Variants in CCNF observed in about 807,000 individuals in gnomAD.
CCNF encodes cyclin F.
Under a neutral mutation model 85.4 loss-of-function variants are expected in CCNF, and 30 were observed. That is an observed-to-expected ratio of 0.35 (90% CI 0.26 to 0.48). The LOEUF (loss-of-function observed/expected upper bound fraction) is 0.48, where lower values mean the gene tolerates loss of function less well. Among genes scored for constraint, CCNF ranks in the 20% least tolerant of loss-of-function variants. The probability of loss-of-function intolerance (pLI) is 0.99; values close to 1 mark genes in which losing one functional copy is unlikely to be tolerated. For synonymous variants in CCNF, 439 were observed against 425.1 expected (o/e 1.03, Z -0.40); for missense variants, 919 against 1,010.4 (o/e 0.91, Z 1.23).
intron 10 of CCNF, 24 bp from the exon 11 acceptor site, chr16:2,448,831 T>C (rs2065375804): frequency 4.4e-6 from 7 of 1,608,924 alleles, no homozygotes; most frequent in African/African-American, 1.3e-5. Flanking sequence ...GGCTCCACCC[T>C]GAGACCCCTT....
intron 1 of CCNF, chr16:2,430,877 G>A: frequency 1.6e-6 from 1 of 634,916 alleles, no homozygotes; most frequent in Admixed American, 2.0e-5. Context: ...CAAGTTACAT[G>A]ACATGCGCTA....
At chr16:2,438,515 C>T (rs2065303793) in intron 6 of CCNF, among the ~76,000 whole-genome samples, 1 of 151,744 alleles carries the variant, frequency 6.6e-6, no homozygotes, top group Admixed American at 6.6e-5. Flanking sequence ...GTGGCGGGTG[C>T]CCATAATCCC....
At position 2,429,498 on chromosome 16, in the gene CCNF, G is replaced by GT; in HGVS notation, c.16+2dup. The GT allele has an allele frequency of 2.4e-6, 3 of 1,232,576 alleles. No individual in the cohort carries two copies. Among genetic ancestry groups the GT allele is most frequent in the Non-Finnish European group, 3.0e-6 (3 of 988,232 alleles). 76.4% of individuals were successfully genotyped at this position (1,232,576 alleles called of 1,614,324 possible). A position where few individuals can be genotyped will look rare whatever the true frequency, so the allele number is the denominator to read the frequency against. ...AGCGCGGCGATGGGGAGCGGCGGCG[G>GT]TGAGTGCGGGGCGATGTCCGCTGGT... On this transcript the variant is annotated splice_donor_variant, in intron 1 of 16. Transcript: ENST00000397066. LOFTEE classifies it high-confidence loss of function.
At chr16:2,444,469 T>A (rs907419060) in intron 9 of CCNF, among the ~76,000 whole-genome samples, 3 of 148,910 alleles carry the variant, frequency 2.0e-5, no homozygotes, top group Non-Finnish European at 4.5e-5. Flanking sequence ...CCAGCTAATT[T>A]TTTTGTATTT....
At position 2,447,322 on chromosome 16, in the gene CCNF, C is replaced by G. The variant is rs567312730; in HGVS notation, c.1095-1533C>G. ...TCCGGGGACCAGGCACGGTGGCTCACGCCTGTAATCCCAGCACTTTGGGAG... is the reference window on the plus strand; with the variant it reads ...TCCGGGGACCAGGCACGGTGGCTCAGGCCTGTAATCCCAGCACTTTGGGAG... On this transcript the variant is annotated intron_variant, in intron 10 of 16. Transcript: ENST00000397066. Among the ~76,000 whole-genome samples, 10 of 151,104 alleles carry G rather than the reference C, an allele frequency of 6.6e-5. No homozygotes were observed. In the South Asian group the frequency reaches 1.9e-3, roughly 28 times the overall value.
At chr16:2,437,673 G>T in intron 5 of CCNF, 1 of 319,686 alleles carries the variant, frequency 3.1e-6, no homozygotes, top group Non-Finnish European at 5.8e-6. Flanking sequence ...AGAATTGCTT[G>T]TGGCCAGGTG....
At chr16:2,434,873 G>C (rs1202828564) in intron 3 of CCNF, among the ~76,000 whole-genome samples, 1 of 152,162 alleles carries the variant, frequency 6.6e-6, no homozygotes, top group East Asian at 1.9e-4. Context: ...GGTCTTTCGT[G>C]GCTGGCTTCT....
chr16:2,450,676 A>G (rs1333826893), intron 13 of CCNF, among the ~76,000 whole-genome samples: 1 of 152,174 alleles, frequency 6.6e-6, no homozygotes, highest in Non-Finnish European at 1.5e-5. Context: ...GTTGTCATCT[A>G]GCTCAGGCAC....
rs2065428709 is a variant in CCNF, at chr16:2,456,562, A to G, written c.1903A>G (p.Ile635Val). Residue 635 changes from isoleucine to valine, a missense_variant, in exon 17 of 17, where the codon ATC (isoleucine) becomes GTC (valine). Ile to Val is a conservative substitution (Grantham distance 29, BLOSUM62 3). Transcript: ENST00000397066. The surrounding 1 kb of genome is among the most constrained non-coding windows in gnomAD (Gnocchi z 4.5). ...KEGDVTAPSG[I>V]LDVTVVYLNP... is the part of the protein sequence containing the mutation. ...TCCTGCAGTGACAGCTCCCAGCGGC[A>G]TCCTCGATGTCACCGTGGTCTACCT... 2 of 1,543,408 alleles carry G rather than the reference A, an allele frequency of 1.3e-6. No individual in the cohort carries two copies.
Position 2,456,399 on chromosome 16 carries a change from C to G in CCNF, c.1886-146C>G, listed in dbSNP as rs2065427738. On this transcript the variant is annotated intron_variant, in intron 16 of 16. Transcript: ENST00000397066. The surrounding 1 kb of genome is among the most constrained non-coding windows in gnomAD (Gnocchi z 4.5). ...TCCAACTTGGAAGAGGCATGTCACCCACGCTTCTCACCACAGGAGGGTAAC... is the reference window on the plus strand; with the variant it reads ...TCCAACTTGGAAGAGGCATGTCACCGACGCTTCTCACCACAGGAGGGTAAC... The G allele has an allele frequency of 2.0e-6, 1 of 511,642 alleles. No individual in the cohort carries two copies. Among genetic ancestry groups the G allele is most frequent in the Non-Finnish European group, 3.3e-6 (1 of 298,650 alleles). 31.7% of individuals were successfully genotyped at this position (511,642 alleles called of 1,614,324 possible).
At chr16:2,450,336 T>TAA (rs869044588) in intron 13 of CCNF, among the ~76,000 whole-genome samples, 46,141 of 65,690 alleles carry the variant, frequency 0.7, 16,375 homozygotes, top group African/African-American at 0.83. Context: ...CTGTCTCTAC[T>TAA]AAAAAAAAAA....
chr16:2,437,128 G>A lies in CCNF; in HGVS notation c.347-1G>A, dbSNP rs1353656472. On this transcript the variant is annotated splice_acceptor_variant, in intron 4 of 16. Transcript: ENST00000397066. LOFTEE classifies it high-confidence loss of function. ...GGGCTCTGTCCTGTCTGTCCCCGCA[G>A]TGTCTGTGTCTGATGAGGCCCGCGC... 1 of 1,583,012 alleles carries A rather than the reference G, an allele frequency of 6.3e-7. No individual in the cohort carries two copies. The highest frequency in any genetic ancestry group is 1.1e-5 in the South Asian group (1 of 87,540).
Position 2,451,980 on chromosome 16 carries a change from C to T in CCNF, c.1488-1230C>T, listed in dbSNP as rs999659385. Reference sequence around the variant, plus strand: ...GTTGCCTGTTCTGGCCCTGGTGGGTCGTGGTGCATGAAGCCCTGTGTGCCC... The same window carrying T: ...GTTGCCTGTTCTGGCCCTGGTGGGTTGTGGTGCATGAAGCCCTGTGTGCCC... On this transcript the variant is annotated intron_variant, in intron 13 of 16. Coordinates refer to ENST00000397066, the MANE Select transcript of CCNF (RefSeq NM_001761.3). The surrounding 1 kb of genome is among the most constrained non-coding windows in gnomAD (Gnocchi z 4.3). Among the ~76,000 whole-genome samples the T allele has an allele frequency of 8.5e-5, 13 of 152,246 alleles. No homozygotes were observed. Among genetic ancestry groups the T allele is most frequent in the Non-Finnish European group, 8.8e-5 (6 of 68,050 alleles).
chr16:2,454,313 A>G (rs1470373427), intron 15 of CCNF, among the ~76,000 whole-genome samples: 1 of 152,160 alleles, frequency 6.6e-6, no homozygotes, highest in Admixed American at 6.5e-5. Flanking sequence ...AGCACTTTCC[A>G]TTGTGTGGAA....
rs201114363 is a variant in CCNF, at chr16:2,455,478, T to C, written c.1799T>C (p.Leu600Pro). Residue 600 changes from leucine to proline, a missense_variant, in exon 16 of 17, where the codon CTG (leucine) becomes CCG (proline). Physicochemically the swap from Leu to Pro is moderately conservative, Grantham distance 98. Transcript: ENST00000397066. Reference protein sequence around the residue: ...TAELSSQEETLLGSFLDWSLD... With the variant: ...TAELSSQEETPLGSFLDWSLD... ...GAGCTGTCCAGCCAGGAGGAGACGC[T>C]GCTGGGCAGCTTCCTCGACTGGAGC... 5.6e-6 allele frequency: 9 copies of C among 1,606,494 alleles called. No homozygotes were observed. Among genetic ancestry groups the C allele is most frequent in the Middle Eastern group, 1.7e-4 (1 of 6,042 alleles).
chr16:2,429,596 C>A (rs1039374862), intron 1 of CCNF, 99 bp downstream of exon 1: 163 of 1,115,994 alleles, frequency 1.5e-4, no homozygotes, highest in Non-Finnish European at 1.5e-4. Flanking sequence ...GCCCTGGCGG[C>A]CTGAAGAGGG....
intron 15 of CCNF, among the ~76,000 whole-genome samples, chr16:2,454,490 C>T (rs575344019): frequency 3.3e-5 from 5 of 152,348 alleles, no homozygotes; most frequent in South Asian, 4.1e-4. Context: ...TCAGAGGCCC[C>T]CCACAGCCCC....
chr16:2,449,041 G>A, intron 11 of CCNF, 63 bp downstream of exon 11: 2 of 727,172 alleles, frequency 2.8e-6, no homozygotes, highest in South Asian at 1.4e-5. Flanking sequence ...GGTGGGGGTG[G>A]GCATTCAGCT....
At chr16:2,432,371 C>G (rs2065267159) in intron 2 of CCNF, among the ~76,000 whole-genome samples, 1 of 152,130 alleles carries the variant, frequency 6.6e-6, no homozygotes, top group Non-Finnish European at 1.5e-5. Context: ...AAAGCCACCT[C>G]CATTGCAGGT....
Sources: allele counts gnomAD v4.1 joint callset (sites outside exome capture counted in the v4.1 genomes callset), GRCh38; gene constraint gnomAD v4.1.1; non-coding constraint Gnocchi (gnomAD v3.1); transcripts MANE v1.5; gene names NCBI Gene and HGNC (gene_info 2026-07-23, HGNC 2026-07-21).